SYT9: variants seen among roughly 807,000 people sequenced by gnomAD.
The protein encoded by SYT9 is synaptotagmin 9, also known as synaptotagmin-9.
A neutral mutation model predicts 48.4 loss-of-function variants in SYT9; 22 were observed. The observed-to-expected ratio is 0.45, with a 90% CI of 0.32 to 0.65. The LOEUF (loss-of-function observed/expected upper bound fraction) is 0.65. SYT9 is among the 30% of genes least tolerant of loss of function. The pLI is 0.03. For missense variants in SYT9, 577 were observed against 622.0 expected (o/e 0.93, Z 0.77); for synonymous variants, 265 against 245.0 (o/e 1.08, Z -0.76).
intron 3 of SYT9, among the ~76,000 whole-genome samples, chr11:7,353,133 T>A (rs986716372): frequency 6.6e-6 from 1 of 152,164 alleles, no homozygotes; most frequent in Non-Finnish European, 1.5e-5. Flanking sequence ...AAAGTCAAGT[T>A]GGGACCTTTA....
chr11:7,379,418 C>T (rs1850516711), intron 3 of SYT9, among the ~76,000 whole-genome samples: 1 of 152,118 alleles, frequency 6.6e-6, no homozygotes, highest in South Asian at 2.1e-4. Flanking sequence ...CATTATTATT[C>T]AACAGCCCTC....
intron 2 of SYT9, among the ~76,000 whole-genome samples, chr11:7,303,819 C>T (rs933917945): frequency 6.6e-6 from 1 of 152,186 alleles, no homozygotes; most frequent in Non-Finnish European, 1.5e-5. Context: ...CCCTTCCCTG[C>T]TGCCCTCCTA....
intron 1 of SYT9, among the ~76,000 whole-genome samples, chr11:7,264,758 G>A (rs1322946427): frequency 1.3e-5 from 2 of 152,102 alleles, no homozygotes. Flanking sequence ...GGAGCTCAAA[G>A]AACTACAGGC....
At chr11:7,342,036 A>G (rs950875342) in intron 3 of SYT9, among the ~76,000 whole-genome samples, 14 of 152,290 alleles carry the variant, frequency 9.2e-5, no homozygotes, top group African/African-American at 3.4e-4. Flanking sequence ...TGAGAACAGT[A>G]TAAGGAAAAC....
At chr11:7,375,055 T>C (rs1350067536) in intron 3 of SYT9, among the ~76,000 whole-genome samples, 1 of 152,226 alleles carries the variant, frequency 6.6e-6, no homozygotes, top group East Asian at 1.9e-4. Context: ...GTTTTAGGTC[T>C]TACGTTTAAG....
chr11:7,263,670 A>G (rs1271632327), intron 1 of SYT9, among the ~76,000 whole-genome samples: 2 of 152,170 alleles, frequency 1.3e-5, no homozygotes, highest in East Asian at 1.9e-4. Flanking sequence ...CCTGAGTTAA[A>G]TGCCCCTGAT....
intron 3 of SYT9, among the ~76,000 whole-genome samples, chr11:7,378,706 T>C (rs1435780893): frequency 6.6e-6 from 1 of 152,172 alleles, no homozygotes; most frequent in Non-Finnish European, 1.5e-5. Context: ...ATTGCCTTTT[T>C]CTTTATGATT....
At chr11:7,466,586 C>T (rs1354491136) in intron 6 of SYT9, among the ~76,000 whole-genome samples, 6 of 151,728 alleles carry the variant, frequency 4.0e-5, no homozygotes, top group South Asian at 2.1e-4. Flanking sequence ...CCAGGTGTGG[C>T]GGCGGGCACC....
intron 4 of SYT9, among the ~76,000 whole-genome samples, chr11:7,417,729 C>T (rs979361064): frequency 6.6e-6 from 1 of 152,188 alleles, no homozygotes; most frequent in Non-Finnish European, 1.5e-5. Flanking sequence ...TTTTAAATTA[C>T]ACACATTTTC....
chr11:7,353,605 G>T (rs1056977188), intron 3 of SYT9, among the ~76,000 whole-genome samples: 8 of 152,194 alleles, frequency 5.3e-5, no homozygotes, highest in African/African-American at 1.9e-4. Context: ...TCTCTTCCTT[G>T]AGTGCTCTGC....
intron 3 of SYT9, among the ~76,000 whole-genome samples, chr11:7,373,145 G>C (rs1850392891): frequency 6.6e-6 from 1 of 151,888 alleles, no homozygotes; most frequent in African/African-American, 2.4e-5. Flanking sequence ...ACATTATATA[G>C]TATTTTAAAA....
chr11:7,378,219 T>G (rs146393609), intron 3 of SYT9, among the ~76,000 whole-genome samples: 4 of 151,876 alleles, frequency 2.6e-5, no homozygotes, highest in Middle Eastern at 3.4e-3. Flanking sequence ...AGTCAGAAGG[T>G]GGGTGTGGGG....
At chr11:7,311,306 A>G (rs1039999146) in intron 2 of SYT9, among the ~76,000 whole-genome samples, 110 of 152,368 alleles carry the variant, frequency 7.2e-4, no homozygotes, top group African/African-American at 2.5e-3. Flanking sequence ...TTCATCTAAA[A>G]AACTAAAAAA....
At chr11:7,351,380 C>T (rs1274928332) in intron 3 of SYT9, among the ~76,000 whole-genome samples, 1 of 152,190 alleles carries the variant, frequency 6.6e-6, no homozygotes, top group East Asian at 1.9e-4. Flanking sequence ...CTTTGGGCAG[C>T]CTGTCCGATG....
chr11:7,425,935 A>G (rs1178357940), intron 6 of SYT9, among the ~76,000 whole-genome samples: 3 of 152,238 alleles, frequency 2.0e-5, no homozygotes, highest in African/African-American at 7.2e-5. Context: ...TGAAAACAGA[A>G]AAAACAAGAA....
chr11:7,238,958 T>C (rs1451015930), intron 1 of SYT9: 3 of 455,728 alleles, frequency 6.6e-6, no homozygotes. Context: ...TCTCTGTCCC[T>C]GTGGATGGCT....
intron 3 of SYT9, among the ~76,000 whole-genome samples, chr11:7,396,845 C>T (rs966028385): frequency 2.0e-5 from 3 of 152,038 alleles, no homozygotes; most frequent in Non-Finnish European, 4.4e-5. Context: ...AGATCTTTTG[C>T]CCATATTTTT....
rs920378511 is a variant in SYT9, at chr11:7,468,483, T to C, written c.*1683T>C. 24 of 395,292 alleles carry C rather than the reference T, an allele frequency of 6.1e-5. No homozygotes were observed. Among genetic ancestry groups the C allele is most frequent in the African/African-American group, 4.5e-4 (22 of 48,572 alleles). 24.5% of individuals were successfully genotyped at this position (395,292 alleles called of 1,614,324 possible). A position where few individuals can be genotyped will look rare whatever the true frequency, so the allele number is the denominator to read the frequency against. ...ATAAGGAAAACTTGGCTTCCTCTGC[T>C]CAAGGTTCCCCTCTGCTCATCCCTC... On this transcript the variant is annotated 3_prime_UTR_variant, in exon 7 of 7. Transcript: ENST00000318881.
At position 7,352,519 on chromosome 11, in the gene SYT9, A is replaced by G. The variant is rs143451521; in HGVS notation, c.1044+38578A>G. 3.3e-5 allele frequency among the ~76,000 whole-genome samples: 5 copies of G among 152,342 alleles called. No homozygotes were observed. In the East Asian group the frequency reaches 7.7e-4, roughly 24 times the overall value. ...TCTACAGTTTAAAGTTCAGAAATATATGATGCTTCTCGATGGTTATGATCT... is the reference window on the plus strand; with the variant it reads ...TCTACAGTTTAAAGTTCAGAAATATGTGATGCTTCTCGATGGTTATGATCT... On this transcript the variant is annotated intron_variant, in intron 3 of 6. Coordinates refer to ENST00000318881, the MANE Select transcript of SYT9 (RefSeq NM_175733.4).
Sources: allele counts gnomAD v4.1 joint callset (sites outside exome capture counted in the v4.1 genomes callset), GRCh38; gene constraint gnomAD v4.1.1; transcripts MANE v1.5; gene names NCBI Gene and HGNC (gene_info 2026-07-23, HGNC 2026-07-21).